The following RTTN variants were observed in gnomAD, a reference collection of about 807,000 sequenced individuals.
RTTN encodes the protein rotatin.
Under a neutral mutation model 269.2 loss-of-function variants are expected in RTTN, and 182 were observed. The observed-to-expected ratio is 0.68, with a 90% CI of 0.60 to 0.76. The LOEUF (loss-of-function observed/expected upper bound fraction) is 0.76. Among genes scored for constraint, RTTN ranks in the 30% least tolerant of loss-of-function variants. RTTN has a pLI of 0.00. For synonymous variants in RTTN, 1,006 were observed against 963.5 expected (o/e 1.04, Z -0.82); for missense variants, 2,545 against 2,608.6 (o/e 0.98, Z 0.53).
intron 14 of RTTN, among the ~76,000 whole-genome samples, chr18:70,164,955 T>C (rs956522928): frequency 1.4e-4 from 21 of 152,170 alleles, no homozygotes; most frequent in African/African-American, 1.9e-4. Context: ...TTAACTGATA[T>C]CAGACTTCTC....
At chr18:70,093,492 T>C (rs1034303174) in intron 28 of RTTN, among the ~76,000 whole-genome samples, 1 of 152,218 alleles carries the variant, frequency 6.6e-6, no homozygotes, top group Non-Finnish European at 1.5e-5. Flanking sequence ...ACCTAGTTTA[T>C]TGAGAATTTT....
intron 14 of RTTN, among the ~76,000 whole-genome samples, chr18:70,153,453 T>C (rs17082156): frequency 0.66 from 100,341 of 152,026 alleles, 38,912 homozygotes; most frequent in East Asian, 0.9. Context: ...TGGTAAAGTG[T>C]CCAGTAAATA....
intron 38 of RTTN, among the ~76,000 whole-genome samples, chr18:70,052,553 AAAATT>A (rs972761284): frequency 6.6e-6 from 1 of 151,770 alleles, no homozygotes; most frequent in Non-Finnish European, 1.5e-5. Context: ...ATTTAAGCTG[AAAATT>A]AAATTAAAAA....
chr18:70,020,917 G>GC, intron 44 of RTTN, 100 bp from the exon 45 acceptor site: 1 of 958,678 alleles, frequency 1.0e-6, no homozygotes, highest in South Asian at 1.6e-5. Context: ...AAATGACTAG[G>GC]CCATTAACCT....
Position 70,148,430 on chromosome 18 carries a change from A to G in RTTN, c.2309+471T>C, listed in dbSNP as rs182293427. On this transcript the variant is annotated intron_variant, in intron 17 of 48. Transcript: ENST00000640769. ...GAAAGGATATGTTTTCAGTTCCCCA[A>G]GTAAGAACACAGCTATATGGGATTA... is the stretch of plus-strand genomic sequence containing the variant. Among the ~76,000 whole-genome samples, 908 of 152,322 alleles carry G rather than the reference A, an allele frequency of 6.0e-3. 6 individuals carry two copies. The highest frequency in any genetic ancestry group is 0.017 in the South Asian group (80 of 4,826).
intron 2 of RTTN, 112 bp downstream of exon 2, chr18:70,205,016 G>A: frequency 9.8e-7 from 1 of 1,023,882 alleles, no homozygotes; most frequent in Non-Finnish European, 1.5e-6. Flanking sequence ...ATCTCTGGTT[G>A]ATTAAAAAAA....
chr18:70,179,694 A>G (rs558714069), intron 10 of RTTN, among the ~76,000 whole-genome samples: 1 of 152,354 alleles, frequency 6.6e-6, no homozygotes, highest in African/African-American at 2.4e-5. Flanking sequence ...AATATTACCA[A>G]TAAAACAGAT....
intron 35 of RTTN, among the ~76,000 whole-genome samples, chr18:70,063,965 C>CTTTTT (rs35413593): frequency 0.048 from 6,311 of 130,940 alleles, 198 homozygotes; most frequent in African/African-American, 0.074. Context: ...CTTTTATATG[C>CTTTTT]TTTTTTTTTT....
chr18:70,187,186 A>G (rs2061567027), intron 10 of RTTN, among the ~76,000 whole-genome samples: 1 of 152,182 alleles, frequency 6.6e-6, no homozygotes, highest in African/African-American at 2.4e-5. Context: ...TGCTACCTAT[A>G]AAAAAGAACG....
chr18:70,089,663 A>C (rs2145213512), intron 30 of RTTN, among the ~76,000 whole-genome samples: 1 of 152,328 alleles, frequency 6.6e-6, no homozygotes, highest in Admixed American at 6.5e-5. Flanking sequence ...GACAAAAATG[A>C]GGAAAGTGTT....
rs2061891654 is a variant in RTTN, at chr18:70,199,298, C to CATT, written c.578+113_578+115dup. ...AAAATAAAAATCATTTAAATATGAC[C>CATT]ATTACTACCTTTCACTGCCACTAGT... On this transcript the variant is annotated intron_variant, in intron 5 of 48. Transcript: ENST00000640769. 5.1e-6 allele frequency: 3 copies of CATT among 584,098 alleles called. No homozygotes were observed. In the South Asian group the frequency reaches 8.9e-5, roughly 17 times the overall value. 36.2% of individuals were successfully genotyped at this position (584,098 alleles called of 1,614,324 possible).
intron 10 of RTTN, 125 bp from the exon 11 acceptor site, chr18:70,176,970 G>T: frequency 1.5e-6 from 1 of 664,770 alleles, no homozygotes; most frequent in Non-Finnish European, 2.3e-6. Flanking sequence ...AATCAAAACA[G>T]AATTTATTCC....
At chr18:70,159,802 A>G (rs1047928236) in intron 14 of RTTN, among the ~76,000 whole-genome samples, 1 of 152,172 alleles carries the variant, frequency 6.6e-6, no homozygotes, top group Non-Finnish European at 1.5e-5. Context: ...AACTCTATGC[A>G]TACCAAATAG....
At chr18:70,198,479 A>G (rs991286928) in intron 5 of RTTN, among the ~76,000 whole-genome samples, 1 of 152,174 alleles carries the variant, frequency 6.6e-6, no homozygotes, top group African/African-American at 2.4e-5. Context: ...AAAATCACTT[A>G]ATGGCATCCA....
At chr18:70,013,456 C>G (rs2056454573) in intron 46 of RTTN, among the ~76,000 whole-genome samples, 1 of 142,266 alleles carries the variant, frequency 7.0e-6, no homozygotes, top group Non-Finnish European at 1.5e-5. Flanking sequence ...GTGGGCCCCT[C>G]TGATAATGCA....
intron 43 of RTTN, among the ~76,000 whole-genome samples, chr18:70,027,761 G>C (rs1260426631): frequency 6.6e-6 from 1 of 152,070 alleles, no homozygotes; most frequent in East Asian, 1.9e-4. Flanking sequence ...TTCATATATA[G>C]GGAATTTTAA....
At position 70,205,175 on chromosome 18, in the gene RTTN, C is replaced by A. The variant is rs779827162; in HGVS notation, c.172G>T (p.Val58Phe). 2.5e-5 allele frequency: 40 copies of A among 1,614,230 alleles called. No homozygotes were observed. The highest frequency in any genetic ancestry group is 3.4e-5 in the Non-Finnish European group (40 of 1,180,052). ...TTCAGAACCTCTTCCTTCATCGGAA[C>A]GGACGGGAAATTGAACCATTCCAGC... ...HLLEWFNFPSVPMKEEVLNLL... is the reference protein window; with the variant it reads ...HLLEWFNFPSFPMKEEVLNLL... The change falls in exon 2 of 49, where the codon GTT becomes TTT. Residue 58 changes from valine to phenylalanine, a missense_variant. Coordinates refer to ENST00000640769, the MANE Select transcript of RTTN (RefSeq NM_173630.4).
intron 25 of RTTN, 151 bp downstream of exon 25, chr18:70,127,351 G>T (rs1459888299): frequency 2.3e-5 from 19 of 819,264 alleles, no homozygotes; most frequent in Non-Finnish European, 3.3e-5. Flanking sequence ...ATTTCTCTTT[G>T]GCTATTATTA....
chr18:70,020,970 A>T, intron 44 of RTTN, 153 bp from the exon 45 acceptor site: 1 of 610,284 alleles, frequency 1.6e-6, no homozygotes, highest in Non-Finnish European at 2.9e-6. Flanking sequence ...TGGTGTCTAC[A>T]GTCAACCTAA....
Sources: gnomAD v4.1 joint callset for allele counts (sites outside exome capture counted in the v4.1 genomes callset) on GRCh38, gnomAD v4.1.1 for gene constraint, MANE v1.5 for transcripts, NCBI Gene and HGNC (gene_info 2026-07-23, HGNC 2026-07-21) for gene names.